The following PRELID2 variants were observed in gnomAD, a reference collection of about 807,000 sequenced individuals.
PRELID2 encodes the protein PRELI domain-containing protein 2.
Under a neutral mutation model 28.4 loss-of-function variants are expected in PRELID2, and 25 were observed. The observed-to-expected ratio is 0.88, with a 90% CI of 0.64 to 1.23. PRELID2 has a LOEUF of 1.23. PRELID2 is among the 50% of genes most tolerant of loss of function. The probability of loss-of-function intolerance (pLI) is 0.00; values close to 1 mark genes in which losing one functional copy is unlikely to be tolerated. For synonymous variants in PRELID2, 76 were observed against 71.6 expected, an observed-to-expected ratio of 1.06 and a Z score of -0.31; for missense variants, 201 against 214.4, an observed-to-expected ratio of 0.94 and a Z score of 0.39.
chr5:145,777,798 C>T (rs1265180874), intron 5 of PRELID2, among the ~76,000 whole-genome samples: 1 of 151,980 alleles, frequency 6.6e-6, no homozygotes, highest in Admixed American at 6.5e-5. Flanking sequence ...CAAACCAAGG[C>T]TTCCCTACAC....
At position 145,478,417 on chromosome 5, in the gene PRELID2, C is replaced by T. The variant is rs540247746; in HGVS notation, n.71-5102G>A. Among the ~76,000 whole-genome samples the T allele has an allele frequency of 3.9e-5, 6 of 151,904 alleles. 1 individual carries two copies. In the South Asian group the frequency reaches 1.0e-3, roughly 26 times the overall value. On this transcript the variant is annotated intron_variant and non_coding_transcript_variant, in intron 1 of 2. Transcript: ENST00000510259. Reference sequence around the variant, plus strand: ...AAAAGATTAGCCGGGCATGGTGGTGCGCACCTGTAATCCCAGCTACTGGGG... The same window carrying T: ...AAAAGATTAGCCGGGCATGGTGGTGTGCACCTGTAATCCCAGCTACTGGGG...
chr5:145,406,179 G>A, the PRELID2 span, among the ~76,000 whole-genome samples: 13 of 152,124 alleles, frequency 8.5e-5, no homozygotes, highest in African/African-American at 3.1e-4. Context: ...GAGATTTAGG[G>A]GGGGAAACAG....
intron 1 of PRELID2, among the ~76,000 whole-genome samples, chr5:145,515,376 T>A (rs1463696161): frequency 6.6e-6 from 1 of 152,130 alleles, no homozygotes; most frequent in Non-Finnish European, 1.5e-5. Flanking sequence ...AACACATCTA[T>A]GCAAATAAAC....
At chr5:145,695,676 G>A (rs1032842636) in intron 1 of PRELID2, among the ~76,000 whole-genome samples, 13 of 152,188 alleles carry the variant, frequency 8.5e-5, no homozygotes, top group East Asian at 7.7e-4. Flanking sequence ...AAAATGGCTC[G>A]TTTACACAGC....
At chr5:145,286,925 G>T in the PRELID2 span, among the ~76,000 whole-genome samples, 14 of 151,988 alleles carry the variant, frequency 9.2e-5, no homozygotes, top group African/African-American at 3.1e-4. Flanking sequence ...GGCCAGGCTG[G>T]TCTTGAACTC....
chr5:145,481,178 T>G (rs540814037), intron 1 of PRELID2, among the ~76,000 whole-genome samples: 1 of 152,288 alleles, frequency 6.6e-6, no homozygotes, highest in Admixed American at 6.5e-5. Context: ...GAATTCCTCT[T>G]TCTGGGCCAA....
At chr5:145,540,891 C>T (rs1401408504) in intron 1 of PRELID2, among the ~76,000 whole-genome samples, 1 of 151,916 alleles carries the variant, frequency 6.6e-6, no homozygotes, top group Non-Finnish European at 1.5e-5. Flanking sequence ...AATTATATTA[C>T]ATGTGATAAT....
the PRELID2 span, among the ~76,000 whole-genome samples, chr5:145,339,518 G>A: frequency 2.6e-5 from 4 of 152,162 alleles, no homozygotes; most frequent in Non-Finnish European, 5.9e-5. Context: ...CTAACACACA[G>A]CCCCACAGGT....
the PRELID2 span, among the ~76,000 whole-genome samples, chr5:145,413,041 CAAGAT>C: frequency 6.6e-6 from 1 of 152,068 alleles, no homozygotes. Context: ...TATTACAATT[CAAGAT>C]GAGATTTTAG....
the PRELID2 span, among the ~76,000 whole-genome samples, chr5:145,456,786 T>G: frequency 6.6e-6 from 1 of 151,494 alleles, no homozygotes; most frequent in African/African-American, 2.5e-5. Context: ...AATTTAAATG[T>G]TTTTTTAAAG....
At chr5:145,522,495 C>A (rs1439545082) in intron 1 of PRELID2, among the ~76,000 whole-genome samples, 1 of 151,970 alleles carries the variant, frequency 6.6e-6, no homozygotes. Flanking sequence ...GAGAAGAGTT[C>A]ATGTTTTCAC....
chr5:145,331,514 T>C, the PRELID2 span, among the ~76,000 whole-genome samples: 4 of 152,274 alleles, frequency 2.6e-5, no homozygotes, highest in East Asian at 7.7e-4. Flanking sequence ...AATCCCTTCA[T>C]GACTATGTAA....
the PRELID2 span, among the ~76,000 whole-genome samples, chr5:145,357,917 T>G: frequency 6.6e-6 from 1 of 151,944 alleles, no homozygotes; most frequent in Non-Finnish European, 1.5e-5. Context: ...TTGGATTTTT[T>G]TTTTTTTTGG....
the PRELID2 span, among the ~76,000 whole-genome samples, chr5:145,405,905 C>A: frequency 6.6e-6 from 1 of 151,978 alleles, no homozygotes; most frequent in East Asian, 1.9e-4. Flanking sequence ...CGGGGTTTCA[C>A]CGTTTTAGCC....
chr5:145,720,478 T>TG (rs777677719), intron 1 of PRELID2, among the ~76,000 whole-genome samples: 6 of 151,750 alleles, frequency 4.0e-5, no homozygotes, highest in Admixed American at 1.3e-4. Flanking sequence ...GGAAAAAAAA[T>TG]GTGAACCAAA....
At chr5:145,347,757 T>C in the PRELID2 span, among the ~76,000 whole-genome samples, 407 of 152,188 alleles carry the variant, frequency 2.7e-3, 1 homozygote, top group Non-Finnish European at 4.2e-3. Context: ...TATGATACTG[T>C]AGTGGTAGAT....
chr5:145,725,819 T>A (rs933292584), intron 1 of PRELID2, among the ~76,000 whole-genome samples: 1 of 152,222 alleles, frequency 6.6e-6, no homozygotes, highest in Non-Finnish European at 1.5e-5. Context: ...GAGCAAGACT[T>A]TTCTGGGTTG....
chr5:145,379,420 T>G, the PRELID2 span, among the ~76,000 whole-genome samples: 1 of 152,194 alleles, frequency 6.6e-6, no homozygotes, highest in Admixed American at 6.5e-5. Flanking sequence ...CTGGTGATTA[T>G]GTGCATGGTT....
the PRELID2 span, among the ~76,000 whole-genome samples, chr5:145,249,477 T>G: frequency 4.6e-5 from 7 of 152,134 alleles, no homozygotes; most frequent in Non-Finnish European, 1.0e-4. Context: ...CCATAGTCTA[T>G]TTTCCCCTTT....
Sources: gnomAD v4.1 joint callset for allele counts (sites outside exome capture counted in the v4.1 genomes callset) on GRCh38, gnomAD v4.1.1 for gene constraint, MANE v1.5 for transcripts, NCBI Gene and HGNC (gene_info 2026-07-23, HGNC 2026-07-21) for gene names.